Variants in PLXNA4 observed in about 807,000 individuals in gnomAD.
PLXNA4 encodes the protein plexin-A4.
PLXNA4 carries 44 observed loss-of-function variants against 191.8 expected under a neutral mutation model. That is an observed-to-expected ratio of 0.23 (90% confidence interval 0.18 to 0.29). PLXNA4 has a LOEUF of 0.29. Among genes scored for constraint, PLXNA4 ranks in the 10% least tolerant of loss-of-function variants. The pLI, the probability that PLXNA4 is intolerant of heterozygous loss-of-function variation, is 1.00. For missense variants in PLXNA4, 1,800 were observed against 2,488.8 expected, an observed-to-expected ratio of 0.72 and a Z score of 5.89; for synonymous variants, 1,082 against 1,009.5, an observed-to-expected ratio of 1.07 and a Z score of -1.36.
rs1012885797 is a variant in PLXNA4 at position 132,124,663 on chromosome 7, A to AAAG, written c.*5813_*5815dup. 34 of 152,348 alleles carry AAAG rather than the reference A, an allele frequency of 2.2e-4. No individual in the cohort carries two copies. Among genetic ancestry groups the AAAG allele is most frequent in the African/African-American group, 7.7e-4 (32 of 41,596 alleles). The allele number at this position is 152,348 out of a possible 1,614,324, so 9.4% of individuals were successfully genotyped here. A position where few individuals can be genotyped will look rare whatever the true frequency, so the allele number is the denominator to read the frequency against. ...GACCCATCCCTCACAGAGCCTCCTT[A>AAAG]AAGTTTGAGGAAAGCTGATAAGAGA... On this transcript the variant is annotated 3_prime_UTR_variant, in exon 32 of 32. Coordinates refer to ENST00000321063, the MANE Select transcript of PLXNA4 (RefSeq NM_020911.2).
intron 2 of PLXNA4, among the ~76,000 whole-genome samples, chr7:132,591,627 G>A (rs1004746835): frequency 1.3e-5 from 2 of 151,964 alleles, no homozygotes; most frequent in Non-Finnish European, 2.9e-5. Context: ...TACTGGTAAG[G>A]GTCCAGATTT....
At chr7:132,416,176 G>A (rs1794653298) in intron 3 of PLXNA4, among the ~76,000 whole-genome samples, 1 of 152,196 alleles carries the variant, frequency 6.6e-6, no homozygotes, top group South Asian at 2.1e-4. Flanking sequence ...AAGGCTAGAT[G>A]ATGGCAAATA....
chr7:132,547,537 G>A (rs1328291612), intron 1 of PLXNA4, among the ~76,000 whole-genome samples: 2 of 152,176 alleles, frequency 1.3e-5, no homozygotes, highest in African/African-American at 4.8e-5. Context: ...TGTATAGTGA[G>A]TAGTAGGAGT....
At chr7:132,375,070 C>A (rs1386345621) in intron 3 of PLXNA4, among the ~76,000 whole-genome samples, 1 of 152,220 alleles carries the variant, frequency 6.6e-6, no homozygotes, top group African/African-American at 2.4e-5. Context: ...GTTAGTAAGG[C>A]CTCTGAGGCT....
At chr7:132,632,752 G>A (rs981965869) in intron 2 of PLXNA4, among the ~76,000 whole-genome samples, 2 of 152,180 alleles carry the variant, frequency 1.3e-5, no homozygotes, top group Non-Finnish European at 2.9e-5. Flanking sequence ...ATGGGAAGAA[G>A]ATAATCTCAG....
Position 132,127,067 on chromosome 7 carries a change from G to A in PLXNA4, c.*3412C>T, listed in dbSNP as rs1563043845. On this transcript the variant is annotated 3_prime_UTR_variant, in exon 32 of 32. Transcript: ENST00000321063. ...TGACCAGCCTACCACTCTGTTTCTT[G>A]TCTTCCTCTACTTATTCCTTAAAAT... 6.6e-6 allele frequency: 1 copy of A among 152,104 alleles called. No individual in the cohort carries two copies. Among genetic ancestry groups the A allele is most frequent in the Non-Finnish European group, 1.5e-5 (1 of 68,058 alleles). The allele number at this position is 152,104 out of a possible 1,614,324, so 9.4% of individuals were successfully genotyped here.
At chr7:132,471,835 C>A (rs1194428999) in intron 3 of PLXNA4, among the ~76,000 whole-genome samples, 1 of 152,158 alleles carries the variant, frequency 6.6e-6, no homozygotes, top group Non-Finnish European at 1.5e-5. Context: ...ACAGTACACG[C>A]AAGAACAAAC....
chr7:132,322,488 G>A (rs937527692), intron 3 of PLXNA4, among the ~76,000 whole-genome samples: 8 of 152,062 alleles, frequency 5.3e-5, no homozygotes, highest in Non-Finnish European at 1.2e-4. Context: ...TGGCCAGAAG[G>A]GTTGCCTTTT....
chr7:132,562,971 TCC>T (rs1801339638), intron 1 of PLXNA4, among the ~76,000 whole-genome samples: 1 of 24,024 alleles, frequency 4.2e-5, no homozygotes, highest in Non-Finnish European at 7.6e-5. Context: ...CCTCCTCCTC[TCC>T]CTCCTCCTCC....
chr7:132,425,120 C>A (rs956484660), intron 3 of PLXNA4, among the ~76,000 whole-genome samples: 8 of 152,216 alleles, frequency 5.3e-5, no homozygotes, highest in East Asian at 1.9e-4. Context: ...AAAGAGCAGG[C>A]GCCTAGCCTC....
chr7:132,178,077 C>A (rs1796536856), intron 20 of PLXNA4, among the ~76,000 whole-genome samples: 1 of 152,170 alleles, frequency 6.6e-6, no homozygotes, highest in Admixed American at 6.5e-5. Flanking sequence ...GGATTTAGTG[C>A]AGCTGATTTC....
At chr7:132,645,497 C>T (rs890979787) in intron 2 of PLXNA4, among the ~76,000 whole-genome samples, 1 of 152,192 alleles carries the variant, frequency 6.6e-6, no homozygotes, top group African/African-American at 2.4e-5. Flanking sequence ...GTCAATTAAA[C>T]CTCTTTTCAT....
chr7:132,405,092 G>GTGTA (rs397831670), intron 3 of PLXNA4, among the ~76,000 whole-genome samples: 5 of 151,454 alleles, frequency 3.3e-5, no homozygotes, highest in African/African-American at 4.9e-5. Flanking sequence ...GTGTGTGTGT[G>GTGTA]CATGTATGCA....
chr7:132,621,614 T>C (rs1257798785), intron 2 of PLXNA4, among the ~76,000 whole-genome samples: 1 of 152,162 alleles, frequency 6.6e-6, no homozygotes, highest in East Asian at 1.9e-4. Context: ...GCCCACCATA[T>C]ACATGGGCAA....
chr7:132,622,951 A>T (rs1803297853), intron 2 of PLXNA4, among the ~76,000 whole-genome samples: 1 of 152,174 alleles, frequency 6.6e-6, no homozygotes, highest in Non-Finnish European at 1.5e-5. Context: ...CAGCCAGGTG[A>T]CTGTCAAAGC....
chr7:132,444,600 T>C (rs1432378013), intron 3 of PLXNA4, among the ~76,000 whole-genome samples: 2 of 152,200 alleles, frequency 1.3e-5, no homozygotes, highest in African/African-American at 4.8e-5. Flanking sequence ...GCAGGTGTCA[T>C]CTAATGAACA....
At chr7:132,176,421 G>A (rs1423911778) in intron 20 of PLXNA4, among the ~76,000 whole-genome samples, 8 of 152,246 alleles carry the variant, frequency 5.3e-5, no homozygotes, top group Admixed American at 5.2e-4. Flanking sequence ...TGTGTCCTGA[G>A]TGAGGAACAT....
intron 1 of PLXNA4, among the ~76,000 whole-genome samples, chr7:132,545,673 A>C (rs555025887): frequency 1.3e-5 from 2 of 152,280 alleles, no homozygotes; most frequent in African/African-American, 2.4e-5. Context: ...CAGTGAGTGG[A>C]TGACTTTCAT....
intron 4 of PLXNA4, among the ~76,000 whole-genome samples, chr7:132,275,087 T>C (rs558863546): frequency 6.6e-6 from 1 of 152,308 alleles, no homozygotes; most frequent in East Asian, 1.9e-4. Flanking sequence ...ATCCAGTTTC[T>C]CCTCAAACTG....
Sources: gnomAD v4.1 joint callset for allele counts (sites outside exome capture counted in the v4.1 genomes callset) on GRCh38, gnomAD v4.1.1 for gene constraint, MANE v1.5 for transcripts, NCBI Gene and HGNC (gene_info 2026-07-23, HGNC 2026-07-21) for gene names.